The following CASC3 variants were observed in gnomAD, a reference collection of about 807,000 sequenced individuals.
CASC3 encodes protein CASC3.
A neutral mutation model predicts 80.5 loss-of-function variants in CASC3; 30 were observed. That is an observed-to-expected ratio of 0.37 (90% CI 0.28 to 0.51). The LOEUF (loss-of-function observed/expected upper bound fraction) is 0.51, where lower values mean the gene tolerates loss of function less well. Among genes scored for constraint, CASC3 ranks in the 20% least tolerant of loss-of-function variants. CASC3 has a pLI of 0.94. For synonymous variants in CASC3, 312 were observed against 333.6 expected, an observed-to-expected ratio of 0.94 and a Z score of 0.70; for missense variants, 824 against 922.2, an observed-to-expected ratio of 0.89 and a Z score of 1.38.
chr17:40,148,930 T>TG (rs1345920322), intron 3 of CASC3, among the ~76,000 whole-genome samples: 3 of 151,730 alleles, frequency 2.0e-5, no homozygotes, highest in African/African-American at 7.3e-5. Context: ...GACAGAGTCT[T>TG]GCTGTCGCCC....
At chr17:40,151,038 G>A (rs1314659990) in intron 3 of CASC3, among the ~76,000 whole-genome samples, 1 of 151,802 alleles carries the variant, frequency 6.6e-6, no homozygotes, top group African/African-American at 2.4e-5. Flanking sequence ...AAAAAAAACT[G>A]CTTTATTGAG....
chr17:40,161,540 G>A (rs1057269374), intron 3 of CASC3, among the ~76,000 whole-genome samples: 6 of 152,070 alleles, frequency 3.9e-5, no homozygotes, highest in Admixed American at 1.3e-4. Flanking sequence ...TTAGCCAGGC[G>A]CGGTAGTGGG....
chr17:40,145,787 T>G (rs1243931788), intron 3 of CASC3, among the ~76,000 whole-genome samples: 1 of 152,000 alleles, frequency 6.6e-6, no homozygotes, highest in Admixed American at 6.6e-5. Context: ...TACTGTTTTT[T>G]GTTTGTTTGT....
chr17:40,168,435 C>A lies in CASC3; in HGVS notation c.1965+18C>A. 6.2e-7 allele frequency: 1 copy of A among 1,601,212 alleles called. No homozygotes were observed. Among genetic ancestry groups the A allele is most frequent in the South Asian group, 1.1e-5 (1 of 90,820 alleles). The stretch of plus-strand genomic sequence containing the variant: ...ATACACAGGTGAGATGGCTAATGAT[C>A]ATGTTTTTCTAGATACACATTCTTT... On this transcript the variant is annotated intron_variant, in intron 11 of 13. Transcript: ENST00000264645.
chr17:40,159,990 A>G (rs1208923165), intron 3 of CASC3, among the ~76,000 whole-genome samples: 1 of 152,058 alleles, frequency 6.6e-6, no homozygotes, highest in Non-Finnish European at 1.5e-5. Context: ...TGTTGGGATT[A>G]CAGGCGTGAA....
intron 7 of CASC3, among the ~76,000 whole-genome samples, chr17:40,165,382 A>T (rs551674538): frequency 2.0e-5 from 3 of 152,182 alleles, no homozygotes; most frequent in East Asian, 3.9e-4. Flanking sequence ...TTTTTAAAAA[A>T]TTTTTTGTAG....
intron 11 of CASC3, 34 bp downstream of exon 11, chr17:40,168,451 C>T: frequency 6.4e-7 from 1 of 1,570,178 alleles, no homozygotes; most frequent in Non-Finnish European, 8.8e-7. Context: ...TTTCTAGATA[C>T]ACATTCTTTA....
intron 3 of CASC3, among the ~76,000 whole-genome samples, chr17:40,160,847 A>G (rs978415542): frequency 3.9e-5 from 6 of 152,014 alleles, no homozygotes; most frequent in Admixed American, 2.6e-4. Flanking sequence ...CTGGGATTAC[A>G]GGTGTAAGCC....
intron 3 of CASC3, among the ~76,000 whole-genome samples, chr17:40,155,220 T>C (rs993208860): frequency 2.0e-5 from 3 of 151,848 alleles, no homozygotes; most frequent in Admixed American, 1.3e-4. Context: ...ACGATTTTGG[T>C]CCATGACTCG....
At chr17:40,151,319 C>G (rs954481449) in intron 3 of CASC3, among the ~76,000 whole-genome samples, 1 of 152,142 alleles carries the variant, frequency 6.6e-6, no homozygotes, top group Non-Finnish European at 1.5e-5. Context: ...TCAAGTGATT[C>G]TCGTTCGTCA....
rs1017078785 is a variant in CASC3, at chr17:40,162,024, A to G, written c.479A>G (p.Asn160Ser). 4.6e-5 allele frequency: 74 copies of G among 1,613,984 alleles called. No homozygotes were observed. The highest frequency in any genetic ancestry group is 6.7e-5 in the Admixed American group (4 of 59,976). The change falls in exon 5 of 14, where the codon AAC becomes AGC. Residue 160 changes from asparagine to serine, a missense_variant. Asn to Ser is a conservative substitution (Grantham distance 46, BLOSUM62 1). This residue lies in a region of CASC3 where 201 missense variants were observed against 294.1 expected (regional missense o/e 0.68). Transcript: ENST00000264645. ...DGQESTEPVE[N>S]KVGKKGPKHL... Reference sequence around the variant, plus strand: ...TAGGAGAGCACAGAGCCTGTGGAGAACAAAGTGGGTAAAAAGGGCCCTAAG... The same window carrying G: ...TAGGAGAGCACAGAGCCTGTGGAGAGCAAAGTGGGTAAAAAGGGCCCTAAG...
intron 13 of CASC3, 29 bp from the exon 14 acceptor site, chr17:40,170,418 G>A (rs1989565321): frequency 1.0e-6 from 1 of 985,534 alleles, no homozygotes; most frequent in Non-Finnish European, 1.2e-6. Flanking sequence ...ACACTTTGGT[G>A]GTTCTTCCCT....
At chr17:40,169,766 T>C in intron 13 of CASC3, 104 bp downstream of exon 13, 1 of 657,214 alleles carries the variant, frequency 1.5e-6, no homozygotes, top group Non-Finnish European at 2.3e-6. Flanking sequence ...TTTTTTTTTT[T>C]TTTTTTTGAG....
At chr17:40,169,479 TG>T (rs1989538477) in intron 12 of CASC3, 33 bp downstream of exon 12, 1 of 1,590,428 alleles carries the variant, frequency 6.3e-7, no homozygotes, top group African/African-American at 1.4e-5. Context: ...TTAATGCACA[TG>T]CTCCGTCAGT....
At chr17:40,141,640 A>G in intron 3 of CASC3, 33 bp downstream of exon 3, 3 of 1,571,594 alleles carry the variant, frequency 1.9e-6, no homozygotes, top group South Asian at 2.3e-5. Context: ...TATGGTATAG[A>G]TCAGAAATGC....
intron 3 of CASC3, among the ~76,000 whole-genome samples, chr17:40,142,631 A>G (rs1222935684): frequency 1.3e-5 from 2 of 152,056 alleles, no homozygotes; most frequent in African/African-American, 2.4e-5. Context: ...GCTCACGCCT[A>G]TAATCCCAGC....
intron 8 of CASC3, chr17:40,167,227 G>T: frequency 3.8e-6 from 2 of 531,214 alleles, no homozygotes; most frequent in Non-Finnish European, 3.3e-6. Context: ...CCAAAGTATT[G>T]GGATTACAGG....
chr17:40,163,416 T>G (rs1989357269), intron 6 of CASC3, 65 bp from the exon 7 acceptor site: 1 of 1,415,294 alleles, frequency 7.1e-7, no homozygotes, highest in Admixed American at 2.0e-5. Context: ...ATTACAGGCC[T>G]GAGCCACCGC....
At chr17:40,153,202 C>G (rs1989055767) in intron 3 of CASC3, among the ~76,000 whole-genome samples, 1 of 152,152 alleles carries the variant, frequency 6.6e-6, no homozygotes, top group African/African-American at 2.4e-5. Flanking sequence ...CCCCTTCCTA[C>G]TCTCTGTTTC....
Sources: allele counts gnomAD v4.1 joint callset (sites outside exome capture counted in the v4.1 genomes callset), GRCh38; gene constraint gnomAD v4.1.1; regional missense constraint gnomAD v4.1.1; transcripts MANE v1.5; gene names NCBI Gene and HGNC (gene_info 2026-07-23, HGNC 2026-07-21).